The following TBC1D5 variants were observed in gnomAD, a reference collection of about 807,000 sequenced individuals.
The protein encoded by TBC1D5 is TBC1 domain family member 5.
A neutral mutation model predicts 100.3 loss-of-function variants in TBC1D5; 75 were observed. The ratio of observed to expected loss-of-function variants is 0.75; its 90% CI spans 0.62 to 0.91. TBC1D5 has a LOEUF of 0.91. TBC1D5 is among the 40% of genes least tolerant of loss of function. The pLI, the probability that TBC1D5 is intolerant of heterozygous loss-of-function variation, is 0.00. For missense variants in TBC1D5, 910 were observed against 942.4 expected (o/e 0.97, Z 0.45); for synonymous variants, 323 against 325.6 (o/e 0.99, Z 0.09).
At chr3:17,426,485 T>C (rs1008292573) in intron 4 of TBC1D5, among the ~76,000 whole-genome samples, 1 of 151,710 alleles carries the variant, frequency 6.6e-6, no homozygotes. Flanking sequence ...AGTACATTTT[T>C]ACATACTGTA....
chr3:17,700,745 G>T (rs1353956248), intron 1 of TBC1D5, among the ~76,000 whole-genome samples: 1 of 152,114 alleles, frequency 6.6e-6, no homozygotes, highest in African/African-American at 2.4e-5. Flanking sequence ...ATCATCACTG[G>T]CCATCAGAGA....
chr3:17,355,707 GT>G (rs1399001143), intron 13 of TBC1D5, among the ~76,000 whole-genome samples: 1 of 149,422 alleles, frequency 6.7e-6, no homozygotes, highest in Admixed American at 6.7e-5. Flanking sequence ...CCATGGTAGC[GT>G]TTTTTTTTGG....
intron 3 of TBC1D5, among the ~76,000 whole-genome samples, chr3:17,490,704 T>G (rs931659457): frequency 1.3e-5 from 2 of 152,202 alleles, no homozygotes; most frequent in African/African-American, 4.8e-5. Flanking sequence ...CCATGCTGTG[T>G]TGGTTACTGT....
intron 1 of TBC1D5, among the ~76,000 whole-genome samples, chr3:17,654,767 T>G (rs551815964): frequency 2.0e-5 from 3 of 152,136 alleles, no homozygotes; most frequent in Non-Finnish European, 2.9e-5. Flanking sequence ...CTGGTAGAAT[T>G]TGGCTGTGAA....
intron 15 of TBC1D5, among the ~76,000 whole-genome samples, chr3:17,280,779 G>A (rs367871747): frequency 2.9e-4 from 44 of 152,294 alleles, no homozygotes; most frequent in African/African-American, 9.4e-4. Flanking sequence ...GACACCAAGC[G>A]TGTGGATGCA....
intron 9 of TBC1D5, 104 bp downstream of exon 9, chr3:17,383,809 T>C: frequency 3.6e-6 from 3 of 842,068 alleles, no homozygotes; most frequent in South Asian, 2.3e-5. Flanking sequence ...AGCATTATGA[T>C]ACAACTTTGG....
chr3:17,173,500 C>A (rs762918327), intron 19 of TBC1D5, among the ~76,000 whole-genome samples: 1 of 152,072 alleles, frequency 6.6e-6, no homozygotes, highest in Non-Finnish European at 1.5e-5. Context: ...GTTTTGATGA[C>A]CCTGAGATAT....
At chr3:17,451,721 A>G (rs1242307708) in intron 3 of TBC1D5, among the ~76,000 whole-genome samples, 2 of 152,190 alleles carry the variant, frequency 1.3e-5, no homozygotes, top group African/African-American at 2.4e-5. Flanking sequence ...GTGTATACCT[A>G]TGTAACAAAC....
intron 13 of TBC1D5, among the ~76,000 whole-genome samples, chr3:17,309,069 A>T (rs556760720): frequency 6.6e-6 from 1 of 152,212 alleles, no homozygotes; most frequent in South Asian, 2.1e-4. Flanking sequence ...GCAAAGAATT[A>T]AAAATTCCAA....
intron 8 of TBC1D5, among the ~76,000 whole-genome samples, chr3:17,399,488 T>A (rs916843714): frequency 6.6e-6 from 1 of 152,258 alleles, no homozygotes; most frequent in East Asian, 1.9e-4. Context: ...CCCATCTACC[T>A]ACTCCTGTCT....
At chr3:17,650,997 C>G (rs1560377295) in intron 1 of TBC1D5, among the ~76,000 whole-genome samples, 1 of 152,052 alleles carries the variant, frequency 6.6e-6, no homozygotes, top group Non-Finnish European at 1.5e-5. Flanking sequence ...CACTCACTAG[C>G]AATTAAAAAT....
At chr3:17,674,118 T>C (rs76740201) in intron 1 of TBC1D5, among the ~76,000 whole-genome samples, 1 of 152,012 alleles carries the variant, frequency 6.6e-6, no homozygotes, top group African/African-American at 2.4e-5. Context: ...AAAAAAAAAA[T>C]CCTAGTAAGA....
intron 2 of TBC1D5, among the ~76,000 whole-genome samples, chr3:17,622,122 G>T (rs553940853): frequency 2.0e-5 from 3 of 152,132 alleles, no homozygotes; most frequent in Non-Finnish European, 4.4e-5. Flanking sequence ...AGATGGTTTC[G>T]AAATCAAACT....
At chr3:17,609,699 G>T (rs1255479218) in intron 2 of TBC1D5, among the ~76,000 whole-genome samples, 1 of 151,958 alleles carries the variant, frequency 6.6e-6, no homozygotes, top group Non-Finnish European at 1.5e-5. Context: ...TATAGTTCTG[G>T]CCTGGATCCC....
chr3:17,413,119 T>C (rs946545435), intron 4 of TBC1D5, among the ~76,000 whole-genome samples: 3 of 152,176 alleles, frequency 2.0e-5, no homozygotes, highest in African/African-American at 7.2e-5. Flanking sequence ...AAAGCATTAG[T>C]GCCACCTAGT....
At chr3:17,388,684 A>AC (rs1176417441) in intron 8 of TBC1D5, among the ~76,000 whole-genome samples, 1 of 97,290 alleles carries the variant, frequency 1.0e-5, no homozygotes, top group African/African-American at 5.4e-5. Context: ...CCCTGCCTTT[A>AC]CAAAAAAAAA....
intron 21 of TBC1D5, among the ~76,000 whole-genome samples, chr3:17,162,266 G>A (rs1344640461): frequency 2.6e-5 from 4 of 152,210 alleles, no homozygotes; most frequent in African/African-American, 9.6e-5. Flanking sequence ...ACCGCTGACT[G>A]GAAGTGTCTC....
chr3:17,193,791 G>A (rs776674626), intron 18 of TBC1D5, among the ~76,000 whole-genome samples: 3 of 152,136 alleles, frequency 2.0e-5, no homozygotes, highest in Non-Finnish European at 2.9e-5. Flanking sequence ...ACCTTATAGC[G>A]TTGCTTGAGG....
chr3:17,346,847 T>C (rs1374125504), intron 13 of TBC1D5, among the ~76,000 whole-genome samples: 1 of 152,200 alleles, frequency 6.6e-6, no homozygotes, highest in African/African-American at 2.4e-5. Context: ...TATCCTTCTA[T>C]ACAAATTTGA....
Sources: gnomAD v4.1 joint callset for allele counts (sites outside exome capture counted in the v4.1 genomes callset) on GRCh38, gnomAD v4.1.1 for gene constraint, MANE v1.5 for transcripts, NCBI Gene and HGNC (gene_info 2026-07-23, HGNC 2026-07-21) for gene names.